The following TRMT11 variants were observed in gnomAD, a reference collection of about 807,000 sequenced individuals.
TRMT11 encodes tRNA (guanine(10)-N(2))-methyltransferase TRMT11.
In TRMT11, 53 loss-of-function variants were observed where a neutral mutation model predicts 62.8. The observed-to-expected ratio is 0.84, with a 90% CI of 0.68 to 1.06. The LOEUF (loss-of-function observed/expected upper bound fraction) is 1.06. Ranked by LOEUF, TRMT11 falls within the 50% of genes least tolerant of loss-of-function variation. TRMT11 has a pLI of 0.00. For missense variants in TRMT11, 556 were observed against 553.4 expected (o/e 1.00, Z -0.05); for synonymous variants, 188 against 190.3 (o/e 0.99, Z 0.10).
At chr6:126,263,405 TTATC>T in the TRMT11 span, among the ~76,000 whole-genome samples, 780 of 152,304 alleles carry the variant, frequency 5.1e-3, 9 homozygotes, top group African/African-American at 0.018. Flanking sequence ...AAACTCTTCT[TTATC>T]TATTTCCTCT....
chr6:126,077,036 C>A (rs1006619382), intron 17 of TRMT11, among the ~76,000 whole-genome samples: 1 of 152,212 alleles, frequency 6.6e-6, no homozygotes, highest in South Asian at 2.1e-4. Context: ...ATAGATCCCA[C>A]AGCCAGATCC....
At chr6:126,248,503 G>GA in the TRMT11 span, among the ~76,000 whole-genome samples, 27 of 150,230 alleles carry the variant, frequency 1.8e-4, no homozygotes, top group Admixed American at 4.6e-4. Context: ...AAGATAACAA[G>GA]AAAAAAAAAC....
chr6:126,211,192 C>T, the TRMT11 span, among the ~76,000 whole-genome samples: 21 of 152,112 alleles, frequency 1.4e-4, no homozygotes, highest in Non-Finnish European at 5.9e-5. Flanking sequence ...TCCTTAGCAT[C>T]ATGAGGGCCT....
intron 1 of TRMT11, among the ~76,000 whole-genome samples, chr6:126,197,781 A>C (rs1337648301): frequency 1.3e-5 from 2 of 152,144 alleles, no homozygotes; most frequent in African/African-American, 4.8e-5. Flanking sequence ...TGTTCCTTTG[A>C]GTGTCATATC....
At chr6:126,024,794 C>T (rs1371462458) in intron 12 of TRMT11, among the ~76,000 whole-genome samples, 1 of 152,112 alleles carries the variant, frequency 6.6e-6, no homozygotes, top group Non-Finnish European at 1.5e-5. Flanking sequence ...TCACTTACTT[C>T]TCATGTATAT....
At chr6:126,097,060 T>C (rs1038244228) in intron 17 of TRMT11, among the ~76,000 whole-genome samples, 1 of 152,234 alleles carries the variant, frequency 6.6e-6, no homozygotes, top group Non-Finnish European at 1.5e-5. Flanking sequence ...TGCAGACTTT[T>C]CTTCTTTCAA....
chr6:126,215,542 T>A, the TRMT11 span, among the ~76,000 whole-genome samples: 11 of 152,152 alleles, frequency 7.2e-5, no homozygotes, highest in East Asian at 2.1e-3. Flanking sequence ...GCATAGAAGA[T>A]CTTTTTCCAT....
chr6:126,113,437 G>C (rs1440108872), intron 18 of TRMT11, among the ~76,000 whole-genome samples: 1 of 152,094 alleles, frequency 6.6e-6, no homozygotes, highest in African/African-American at 2.4e-5. Context: ...AGGCAGTGGA[G>C]TGAGTTCCTG....
intron 21 of TRMT11, among the ~76,000 whole-genome samples, chr6:126,135,419 T>G (rs1777839136): frequency 6.6e-6 from 1 of 151,364 alleles, no homozygotes; most frequent in Non-Finnish European, 1.5e-5. Context: ...CACATACAAC[T>G]CACCAAGATT....
intron 12 of TRMT11, among the ~76,000 whole-genome samples, chr6:126,036,997 CT>C (rs1775311731): frequency 6.6e-6 from 1 of 151,846 alleles, no homozygotes; most frequent in South Asian, 2.1e-4. Context: ...GAAATATATC[CT>C]TAGTTAATAG....
intron 17 of TRMT11, among the ~76,000 whole-genome samples, chr6:126,057,387 G>A (rs1053577754): frequency 6.6e-6 from 1 of 152,180 alleles, no homozygotes; most frequent in Non-Finnish European, 1.5e-5. Context: ...AATCAATGTC[G>A]ATGAATTATG....
At chr6:126,014,889 C>A (rs1252861697) in intron 11 of TRMT11, among the ~76,000 whole-genome samples, 1 of 151,854 alleles carries the variant, frequency 6.6e-6, no homozygotes, top group Non-Finnish European at 1.5e-5. Flanking sequence ...ATTCCCAGTG[C>A]TGTATTCACT....
At chr6:126,203,940 TG>T (rs1240623756), downstream of TRMT11, among the ~76,000 whole-genome samples, 3 of 151,894 alleles carry the variant, frequency 2.0e-5, no homozygotes, top group Non-Finnish European at 4.4e-5. Context: ...TGTGTGTGTG[TG>T]TGTGTGTGTG....
downstream of TRMT11, among the ~76,000 whole-genome samples, chr6:126,043,585 G>A (rs970123699): frequency 4.6e-5 from 7 of 151,690 alleles, no homozygotes; most frequent in African/African-American, 1.7e-4. Flanking sequence ...GGGATGGCTG[G>A]GTCAAATGGT....
chr6:126,098,754 A>T (rs2128175765), intron 17 of TRMT11, among the ~76,000 whole-genome samples: 1 of 152,350 alleles, frequency 6.6e-6, no homozygotes, highest in Non-Finnish European at 1.5e-5. Flanking sequence ...TACTCTAGTG[A>T]TCACTCAAGG....
At chr6:126,183,559 G>T (rs1583902180) in intron 1 of TRMT11, among the ~76,000 whole-genome samples, 1 of 152,264 alleles carries the variant, frequency 6.6e-6, no homozygotes, top group East Asian at 1.9e-4. Flanking sequence ...GAAGAGTGGA[G>T]GGCCTTTTAA....
At chr6:126,091,074 G>C (rs966951075) in intron 17 of TRMT11, among the ~76,000 whole-genome samples, 6 of 152,092 alleles carry the variant, frequency 3.9e-5, no homozygotes, top group African/African-American at 1.4e-4. Context: ...GCAGGGTGCG[G>C]TGGCAGGCGC....
At chr6:126,047,683 A>T (rs1776098065) in intron 16 of TRMT11, among the ~76,000 whole-genome samples, 1 of 152,150 alleles carries the variant, frequency 6.6e-6, no homozygotes, top group Non-Finnish European at 1.5e-5. Context: ...ATTAATCGTA[A>T]CACAGTCCTA....
chr6:126,051,191 C>G (rs1158478943), intron 16 of TRMT11, among the ~76,000 whole-genome samples: 1 of 152,162 alleles, frequency 6.6e-6, no homozygotes, highest in Non-Finnish European at 1.5e-5. Flanking sequence ...AATAATTACA[C>G]AGGGACATCC....
Sources: gnomAD v4.1 joint callset for allele counts (sites outside exome capture counted in the v4.1 genomes callset) on GRCh38, gnomAD v4.1.1 for gene constraint, MANE v1.5 for transcripts, NCBI Gene and HGNC (gene_info 2026-07-23, HGNC 2026-07-21) for gene names.